Variants in AKAP14 observed in about 807,000 individuals in gnomAD.
The protein encoded by AKAP14 is A-kinase anchoring protein 14, also known as A-kinase anchor protein 14.
In AKAP14, 4 loss-of-function variants were observed where a neutral mutation model predicts 17.0. The observed-to-expected ratio is 0.23, with a 90% CI of 0.12 to 0.54. AKAP14 has a LOEUF of 0.54. AKAP14 is among the 20% of genes least tolerant of loss of function. The pLI is 0.95. For synonymous variants in AKAP14, 42 were observed against 51.3 expected, an observed-to-expected ratio of 0.82 and a Z score of 0.77; for missense variants, 129 against 150.9, an observed-to-expected ratio of 0.85 and a Z score of 0.76.
rs139737732 is a variant in AKAP14, at chrX:119,911,930, C to CT, written c.262-2754dup. 4.5e-3 allele frequency among the ~76,000 whole-genome samples: 423 copies of CT among 93,936 alleles called. 1 individual carries two copies. The highest frequency in any genetic ancestry group is 6.8e-3 in the Non-Finnish European group (317 of 46,439). The allele number at this position is 93,936 out of a possible 115,157, so 81.6% of individuals were successfully genotyped here. ...GCAATGGGGGAGCTGCTGGAGGTTGCTTTTTTTTTTTTTTTCTGAGATGGA... is the reference window on the plus strand; with the variant it reads ...GCAATGGGGGAGCTGCTGGAGGTTGCTTTTTTTTTTTTTTTTCTGAGATGGA... On this transcript the variant is annotated intron_variant, in intron 4 of 6. Coordinates refer to ENST00000371431, the MANE Select transcript of AKAP14 (RefSeq NM_178813.6).
At chrX:119,918,741 A>T (rs1487304652) in intron 5 of AKAP14, among the ~76,000 whole-genome samples, 1 of 112,257 alleles carries the variant, frequency 8.9e-6, no homozygotes, top group Non-Finnish European at 1.9e-5. Context: ...AATAACATCC[A>T]TGAATCTAGG....
At chrX:119,907,533 C>A (rs12689285) in intron 4 of AKAP14, among the ~76,000 whole-genome samples, 5 of 111,192 alleles carry the variant, frequency 4.5e-5, no homozygotes. Context: ...TCTCGGCTCA[C>A]TGCAGCCTCA....
At chrX:119,909,808 C>G (rs774095129) in intron 4 of AKAP14, among the ~76,000 whole-genome samples, 3 of 106,614 alleles carry the variant, frequency 2.8e-5, no homozygotes, top group African/African-American at 1.0e-4. Flanking sequence ...TCGCTTGAAC[C>G]CAGGAGGCGG....
At chrX:119,920,038 C>T (rs3829719) in intron 6 of AKAP14, 75 bp downstream of exon 6, 296,132 of 1,037,244 alleles carry the variant, frequency 0.29, 29,779 homozygotes, top group Middle Eastern at 0.38. Flanking sequence ...AGCAGTTGCG[C>T]AACAACAGAT....
chrX:119,914,087 A>T (rs1394851425), intron 4 of AKAP14, among the ~76,000 whole-genome samples: 1 of 106,732 alleles, frequency 9.4e-6, no homozygotes, highest in Non-Finnish European at 1.9e-5. Context: ...ATACAAAAAG[A>T]ATTAGCCGGG....
chrX:119,906,225 C>CTTTTTTT lies in AKAP14; in HGVS notation c.261+2660_261+2666dup, dbSNP rs10637499. Among the ~76,000 whole-genome samples the CTTTTTTT allele has an allele frequency of 6.5e-4, 33 of 50,881 alleles. 5 individuals are homozygous for CTTTTTTT. Among genetic ancestry groups the CTTTTTTT allele is most frequent in the Middle Eastern group, 0.013 (1 of 78 alleles). 44.2% of individuals were successfully genotyped at this position (50,881 alleles called of 115,157 possible). On this transcript the variant is annotated intron_variant, in intron 4 of 6. Coordinates refer to ENST00000371431, the MANE Select transcript of AKAP14 (RefSeq NM_178813.6). Reference sequence around the variant, plus strand: ...CACTAATGCAGCATGCCTGGCATTTCTTTTTTTTTTTTTTTTTTTTTTTTT... The same window carrying CTTTTTTT: ...CACTAATGCAGCATGCCTGGCATTTCTTTTTTTTTTTTTTTTTTTTTTTTTTTTTTTT...
intron 4 of AKAP14, among the ~76,000 whole-genome samples, chrX:119,912,206 C>T (rs1270763613): frequency 8.9e-6 from 1 of 111,960 alleles, no homozygotes; most frequent in Non-Finnish European, 1.9e-5. Context: ...GCTGGGATTA[C>T]AGGCGTGAGC....
intron 2 of AKAP14, among the ~76,000 whole-genome samples, chrX:119,898,773 G>A (rs1214903859): frequency 2.8e-5 from 3 of 107,484 alleles, no homozygotes; most frequent in Non-Finnish European, 5.8e-5. Flanking sequence ...CTCCGGCCTG[G>A]GCAATAAGAG....
At chrX:119,908,300 A>AAG (rs1556398871) in intron 4 of AKAP14, among the ~76,000 whole-genome samples, 3 of 103,505 alleles carry the variant, frequency 2.9e-5, no homozygotes. Context: ...AAAAAAAAAA[A>AAG]AAGAAGGATG....
At chrX:119,916,653 CT>C (rs34475201) in intron 5 of AKAP14, among the ~76,000 whole-genome samples, 19,847 of 65,902 alleles carry the variant, frequency 0.3, 2,193 homozygotes, top group Middle Eastern at 0.4. Context: ...CCACGCCTGG[CT>C]TTTTTTTTTT....
chrX:119,900,011 C>A (rs1338336237), intron 2 of AKAP14, among the ~76,000 whole-genome samples: 2 of 111,427 alleles, frequency 1.8e-5, no homozygotes, highest in African/African-American at 3.3e-5. Flanking sequence ...TCACTGCAAC[C>A]TCTGCCTCCC....
chrX:119,897,163 T>A (rs1767934385), intron 2 of AKAP14, among the ~76,000 whole-genome samples: 1 of 105,658 alleles, frequency 9.5e-6, no homozygotes, highest in African/African-American at 3.5e-5. Context: ...TCTCTCTTTC[T>A]TTCTTTTCTT....
At chrX:119,913,779 CA>C (rs2056641414) in intron 4 of AKAP14, among the ~76,000 whole-genome samples, 2 of 108,746 alleles carry the variant, frequency 1.8e-5, no homozygotes, top group Non-Finnish European at 3.8e-5. Flanking sequence ...CTGTCTCAAT[CA>C]ATCAATCAAT....
chrX:119,896,999 G>A (rs1483869114), intron 2 of AKAP14, among the ~76,000 whole-genome samples: 1 of 108,497 alleles, frequency 9.2e-6, no homozygotes, highest in Non-Finnish European at 1.9e-5. Context: ...TAGTAGAGAC[G>A]GGATTTTGCC....
At chrX:119,916,675 A>C (rs1423840901) in intron 5 of AKAP14, among the ~76,000 whole-genome samples, 3 of 43,711 alleles carry the variant, frequency 6.9e-5, no homozygotes, top group Non-Finnish European at 1.3e-4. Flanking sequence ...TTTTTTTTTG[A>C]GTTTTCGTAG....
intron 2 of AKAP14, among the ~76,000 whole-genome samples, chrX:119,900,737 A>G (rs962666960): frequency 1.8e-5 from 2 of 110,110 alleles, no homozygotes; most frequent in Non-Finnish European, 3.8e-5. Context: ...GGGCCTTGCT[A>G]TGTTGTCCAG....
chrX:119,897,455 G>C (rs764574770), intron 2 of AKAP14, among the ~76,000 whole-genome samples: 2 of 111,912 alleles, frequency 1.8e-5, no homozygotes, highest in African/African-American at 6.5e-5. Context: ...CACTGCGCCC[G>C]GCCCAAATGG....
At chrX:119,905,677 T>C (rs1247241709) in intron 4 of AKAP14, among the ~76,000 whole-genome samples, 1 of 111,216 alleles carries the variant, frequency 9.0e-6, no homozygotes, top group Non-Finnish European at 1.9e-5. Context: ...TGTTCCCCTG[T>C]CAGGACCCTT....
intron 4 of AKAP14, among the ~76,000 whole-genome samples, chrX:119,907,465 A>AT (rs1183405201): frequency 9.3e-6 from 1 of 107,639 alleles, no homozygotes; most frequent in Non-Finnish European, 1.9e-5. Flanking sequence ...TTATTTATTT[A>AT]TTTATTTATT....
Sources: allele counts gnomAD v4.1 joint callset (sites outside exome capture counted in the v4.1 genomes callset), GRCh38; gene constraint gnomAD v4.1.1; transcripts MANE v1.5; gene names NCBI Gene and HGNC (gene_info 2026-07-23, HGNC 2026-07-21).